Variants in PHF21A observed in about 807,000 individuals in gnomAD.
PHF21A encodes the protein BHC80a.
In PHF21A, 11 loss-of-function variants were observed where a neutral mutation model predicts 82.5. The observed-to-expected ratio is 0.13, with a 90% CI of 0.08 to 0.22. The LOEUF is 0.22. Among genes scored for constraint, PHF21A ranks in the 10% least tolerant of loss-of-function variants. The pLI, the probability that PHF21A is intolerant of heterozygous loss-of-function variation, is 1.00. For missense variants in PHF21A, 579 were observed against 837.8 expected, an observed-to-expected ratio of 0.69 and a Z score of 3.81; for synonymous variants, 297 against 302.8, an observed-to-expected ratio of 0.98 and a Z score of 0.20.
intron 3 of PHF21A, among the ~76,000 whole-genome samples, chr11:46,089,546 C>T (rs941806205): frequency 6.6e-6 from 1 of 151,910 alleles, no homozygotes; most frequent in African/African-American, 2.4e-5. Context: ...ACAGAAAATA[C>T]TACTGCACAA....
intron 6 of PHF21A, among the ~76,000 whole-genome samples, chr11:46,028,492 C>CT (rs1565616972): frequency 6.6e-6 from 1 of 151,186 alleles, no homozygotes; most frequent in East Asian, 1.9e-4. Context: ...TCCTGAAACT[C>CT]TAAGACTTCC....
intron 1 of PHF21A, among the ~76,000 whole-genome samples, chr11:46,110,788 A>AT (rs201509628): frequency 0.19 from 26,941 of 145,064 alleles, 4,422 homozygotes; most frequent in East Asian, 0.57. Flanking sequence ...CATATTAACA[A>AT]TTTTTTTTTT....
At chr11:46,085,644 A>G (rs1197321676) in intron 3 of PHF21A, among the ~76,000 whole-genome samples, 1 of 152,206 alleles carries the variant, frequency 6.6e-6, no homozygotes, top group Non-Finnish European at 1.5e-5. Context: ...TGGAACAATC[A>G]GGAAGTTAGA....
At chr11:45,949,857 G>A (rs954110023) in intron 12 of PHF21A, among the ~76,000 whole-genome samples, 2 of 152,180 alleles carry the variant, frequency 1.3e-5, no homozygotes, top group African/African-American at 4.8e-5. Flanking sequence ...GTATAGCTTT[G>A]TAACTGTTGT....
chr11:46,031,789 C>T (rs1357671002), intron 6 of PHF21A, among the ~76,000 whole-genome samples: 4 of 152,102 alleles, frequency 2.6e-5, no homozygotes, highest in African/African-American at 9.7e-5. Context: ...ACGTTACTAA[C>T]ACTATACGCA....
chr11:46,008,741 A>C (rs955826176), intron 6 of PHF21A, among the ~76,000 whole-genome samples: 4 of 152,208 alleles, frequency 2.6e-5, no homozygotes, highest in African/African-American at 9.7e-5. Context: ...ATATAAATAA[A>C]TCTGAATATA....
chr11:46,092,142 C>G (rs779403187), intron 2 of PHF21A, 41 bp downstream of exon 2: 6 of 151,652 alleles, frequency 4.0e-5, no homozygotes, highest in Admixed American at 6.6e-5. Context: ...CAGCTAGCAT[C>G]AGGATCAGGC....
At chr11:46,048,940 C>T (rs189819122) in intron 6 of PHF21A, among the ~76,000 whole-genome samples, 4 of 152,088 alleles carry the variant, frequency 2.6e-5, no homozygotes, top group Admixed American at 1.3e-4. Context: ...TTTTACATTC[C>T]CACCAGCAAT....
chr11:46,082,091 C>T (rs1476550752), intron 4 of PHF21A, among the ~76,000 whole-genome samples: 5 of 152,112 alleles, frequency 3.3e-5, no homozygotes, highest in Non-Finnish European at 5.9e-5. Flanking sequence ...CATCACAGGA[C>T]ATTATTATTT....
intron 1 of PHF21A, chr11:46,120,357 C>T (rs1852826281): frequency 6.6e-6 from 1 of 150,516 alleles, no homozygotes; most frequent in Non-Finnish European, 1.5e-5. Context: ...GAGGGACAGC[C>T]GAGGGGGGGC....
At chr11:46,092,156 C>T (rs1472184998) in intron 2 of PHF21A, 27 bp downstream of exon 2, 4 of 151,752 alleles carry the variant, frequency 2.6e-5, no homozygotes, top group African/African-American at 9.7e-5. Context: ...ATCAGGCACA[C>T]GATGTCTACC....
At chr11:46,111,534 G>GTA (rs1473996818) in intron 1 of PHF21A, among the ~76,000 whole-genome samples, 1 of 152,086 alleles carries the variant, frequency 6.6e-6, no homozygotes, top group East Asian at 1.9e-4. Context: ...AATAAACATG[G>GTA]TAGCCCTCAG....
intron 6 of PHF21A, among the ~76,000 whole-genome samples, chr11:46,023,817 G>T (rs1159546707): frequency 1.3e-5 from 2 of 152,184 alleles, no homozygotes; most frequent in Non-Finnish European, 2.9e-5. Flanking sequence ...TTAGCCAGGT[G>T]TGGTGGCGGG....
chr11:46,052,460 C>T (rs929985988), intron 6 of PHF21A, among the ~76,000 whole-genome samples: 9 of 152,044 alleles, frequency 5.9e-5, no homozygotes, highest in South Asian at 2.1e-4. Flanking sequence ...CACTCATATA[C>T]CTACTGAATA....
chr11:46,084,853 T>C (rs1565911693), intron 3 of PHF21A, among the ~76,000 whole-genome samples: 1 of 152,258 alleles, frequency 6.6e-6, no homozygotes, highest in Middle Eastern at 3.4e-3. Context: ...CTCATTTTTT[T>C]ATATTTTTAA....
chr11:46,004,181 T>G (rs1014325037), intron 6 of PHF21A, among the ~76,000 whole-genome samples: 1 of 152,230 alleles, frequency 6.6e-6, no homozygotes, highest in Non-Finnish European at 1.5e-5. Flanking sequence ...TTATTTTCCA[T>G]AGATTCTTAA....
intron 6 of PHF21A, among the ~76,000 whole-genome samples, chr11:45,983,369 C>T (rs2094377739): frequency 6.6e-6 from 1 of 152,110 alleles, no homozygotes; most frequent in South Asian, 2.1e-4. Context: ...CTGGGTAAAG[C>T]TTTCTTTAAA....
intron 4 of PHF21A, among the ~76,000 whole-genome samples, chr11:46,080,406 G>A (rs1331897837): frequency 2.0e-5 from 3 of 151,684 alleles, no homozygotes; most frequent in African/African-American, 4.8e-5. Context: ...GAATCCTCCC[G>A]CCTCAGCCTC....
In PHF21A at chr11:45,933,125, T is replaced by C. The variant is rs118078746; in HGVS notation, c.*843A>G. 6.5e-5 allele frequency: 10 copies of C among 152,726 alleles called. No individual in the cohort carries two copies. The East Asian group carries it at 1.9e-3, about 29-fold the overall frequency. 9.5% of individuals were successfully genotyped at this position (152,726 alleles called of 1,614,324 possible). On this transcript the variant is annotated 3_prime_UTR_variant, in exon 19 of 19. Coordinates refer to ENST00000676320, the MANE Select transcript of PHF21A (RefSeq NM_001352027.3). ...AGTAAAATCACTGATCCACCTTTTTTTCCTTCCTGGACACACACATCCTTC... is the reference window on the plus strand; with the variant it reads ...AGTAAAATCACTGATCCACCTTTTTCTCCTTCCTGGACACACACATCCTTC...
Sources: gnomAD v4.1 joint callset for allele counts (sites outside exome capture counted in the v4.1 genomes callset) on GRCh38, gnomAD v4.1.1 for gene constraint, MANE v1.5 for transcripts, NCBI Gene and HGNC (gene_info 2026-07-23, HGNC 2026-07-21) for gene names.